The following CHST7 variants were observed in gnomAD, a reference collection of about 807,000 sequenced individuals.
CHST7 encodes N-acetylglucosamine 6-O-sulfotransferase 4.
CHST7 carries 5 observed loss-of-function variants against 9.0 expected under a neutral mutation model. The ratio of observed to expected loss-of-function variants is 0.56; its 90% CI spans 0.29 to 1.17. The LOEUF (loss-of-function observed/expected upper bound fraction) is 1.17. Ranked by LOEUF, CHST7 falls within the 50% of genes most tolerant of loss-of-function variation. CHST7 has a pLI of 0.08. For synonymous variants in CHST7, 244 were observed against 237.1 expected (o/e 1.03, Z -0.27); for missense variants, 377 against 485.1 (o/e 0.78, Z 2.09).
In CHST7 at chrX:46,597,866, C is replaced by T. The variant is rs753936859; in HGVS notation, c.*138C>T. ...TCAGAGTCTGGGACTTGACTTGCTACCAACAACTGCTGTGCAATTCTGCTG... is the reference window on the plus strand; with the variant it reads ...TCAGAGTCTGGGACTTGACTTGCTATCAACAACTGCTGTGCAATTCTGCTG... On this transcript the variant is annotated 3_prime_UTR_variant, in exon 2 of 2. Transcript: ENST00000276055. 8.8e-6 allele frequency: 1 copy of T among 113,154 alleles called. No homozygotes were observed. The highest frequency in any genetic ancestry group is 2.8e-4 in the East Asian group (1 of 3,600). 9.3% of individuals were successfully genotyped at this position (113,154 alleles called of 1,213,427 possible). A position where few individuals can be genotyped will look rare whatever the true frequency, so the allele number is the denominator to read the frequency against.
intron 1 of CHST7, among the ~76,000 whole-genome samples, chrX:46,596,476 C>G (rs1191881269): frequency 9.1e-6 from 1 of 110,464 alleles, no homozygotes; most frequent in Non-Finnish European, 1.9e-5. Flanking sequence ...ATCTATCTGC[C>G]TTGCAGCTGC....
At chrX:46,595,348 C>G (rs1297654928) in intron 1 of CHST7, among the ~76,000 whole-genome samples, 5 of 112,285 alleles carry the variant, frequency 4.5e-5, no homozygotes, top group African/African-American at 1.6e-4. Flanking sequence ...TTATGAATCT[C>G]CAAATCTTAT....
At chrX:46,581,235 C>CAAAA (rs1165772615) in intron 1 of CHST7, among the ~76,000 whole-genome samples, 1 of 66,960 alleles carries the variant, frequency 1.5e-5, no homozygotes, top group Non-Finnish European at 3.0e-5. Context: ...ACTCTGTCTC[C>CAAAA]AAAAAAAAAA....
At position 46,574,636 on chromosome X, in the gene CHST7, C is replaced by T; in HGVS notation, c.705C>T (p.Arg235=). The T allele has an allele frequency of 8.3e-7, 1 of 1,207,976 alleles. No individual in the cohort carries two copies. Among genetic ancestry groups the T allele is most frequent in the African/African-American group, 1.7e-5 (1 of 57,921 alleles). ...GCAGCTGCCCACCCGTGGCGATACG[C>T]GCCCTGGAGGCCGAGTGCCGAAAGT... is the stretch of plus-strand genomic sequence containing the variant. ...CERSCPPVAI[R]ALEAECRKYP... is the part of the protein sequence containing the mutation. Residue 235 remains arginine, a synonymous_variant, in exon 1 of 2, where the codon CGC becomes CGT. Coordinates refer to ENST00000276055, the MANE Select transcript of CHST7 (RefSeq NM_019886.4).
chrX:46,589,233 G>A (rs967933906), intron 1 of CHST7, among the ~76,000 whole-genome samples: 25 of 111,396 alleles, frequency 2.2e-4, no homozygotes, highest in Non-Finnish European at 3.6e-4. Context: ...ATAATATTAA[G>A]AAGAGTTGGG....
intron 1 of CHST7, among the ~76,000 whole-genome samples, chrX:46,575,794 AG>A (rs1942496770): frequency 8.9e-6 from 1 of 111,805 alleles, no homozygotes; most frequent in East Asian, 2.8e-4. Context: ...TGTGGAGTAT[AG>A]GATTTCGGAA....
In CHST7 at chrX:46,598,067, A is replaced by C. The variant is rs1397640619; in HGVS notation, c.*339A>C. ...TTTCAACAAGGCATCCTCACAACAA[A>C]GAAGAGATGTGATTTGGTACCATTT... On this transcript the variant is annotated 3_prime_UTR_variant, in exon 2 of 2. Coordinates refer to ENST00000276055, the MANE Select transcript of CHST7 (RefSeq NM_019886.4). 8.9e-6 allele frequency: 1 copy of C among 112,634 alleles called. No individual in the cohort carries two copies. Among genetic ancestry groups the C allele is most frequent in the Non-Finnish European group, 1.9e-5 (1 of 53,313 alleles). The allele number at this position is 112,634 out of a possible 1,213,427, so 9.3% of individuals were successfully genotyped here.
chrX:46,575,290 C>T lies in CHST7; in HGVS notation c.1359C>T (p.Ala453=). ...AGGTGGAGGCCGCCTGCGCTCCAGC[C>T]ATGCGTCTGCTCGCCTACCCTCGCA... The part of the protein sequence containing the change: ...VRQVEAACAP[A]MRLLAYPRSG... The change falls in exon 1 of 2, where the codon GCC becomes GCT. Residue 453 remains alanine, a synonymous_variant. Transcript: ENST00000276055. 9.0e-7 allele frequency: 1 copy of T among 1,109,758 alleles called. No homozygotes were observed. The highest frequency in any genetic ancestry group is 1.2e-6 in the Non-Finnish European group (1 of 849,550). 91.5% of individuals were successfully genotyped at this position (1,109,758 alleles called of 1,213,427 possible).
intron 1 of CHST7, among the ~76,000 whole-genome samples, chrX:46,582,066 C>T: frequency 8.9e-6 from 1 of 111,983 alleles, no homozygotes; most frequent in East Asian, 2.8e-4. Context: ...TATTGTTCTG[C>T]ACTTTTTTCA....
intron 1 of CHST7, among the ~76,000 whole-genome samples, chrX:46,589,632 T>G (rs1283253915): frequency 9.0e-6 from 1 of 111,179 alleles, no homozygotes; most frequent in Non-Finnish European, 1.9e-5. Flanking sequence ...AACATCACAG[T>G]AAGAATTCAT....
Position 46,573,805 on chromosome X carries a change from C to A in CHST7, c.-127C>A. ...TTCCAAGTTTCCCCTTGTGGATGCG[C>A]GGCCCCGCGGCTCTGCTCCTCCCGG... On this transcript the variant is annotated 5_prime_UTR_variant, in exon 1 of 2. Coordinates refer to ENST00000276055, the MANE Select transcript of CHST7 (RefSeq NM_019886.4). 1 of 1,000,616 alleles carries A rather than the reference C, an allele frequency of 1.0e-6. No individual in the cohort carries two copies. The highest frequency in any genetic ancestry group is 1.3e-6 in the Non-Finnish European group (1 of 766,684). 82.5% of individuals were successfully genotyped at this position (1,000,616 alleles called of 1,213,427 possible).
Position 46,575,169 on chromosome X carries a change from C to T in CHST7, c.1238C>T (p.Ala413Val). Residue 413 changes from alanine to valine, a missense_variant, in exon 1 of 2, where the codon GCC becomes GTC. Ala to Val is a moderately conservative substitution (Grantham distance 64). Transcript: ENST00000276055. Reference sequence around the variant, plus strand: ...GCGCTCAACATGACTCGCGGCGCGGCCTACGGCGCCGACCGGCCCTTCCAC... The same window carrying T: ...GCGCTCAACATGACTCGCGGCGCGGTCTACGGCGCCGACCGGCCCTTCCAC... ...AFALNMTRGA[A>V]YGADRPFHLS... 4 of 1,096,912 alleles carry T rather than the reference C, an allele frequency of 3.6e-6. No homozygotes were observed. Among genetic ancestry groups the T allele is most frequent in the Non-Finnish European group, 4.7e-6 (4 of 848,424 alleles). The allele number at this position is 1,096,912 out of a possible 1,213,427, so 90.4% of individuals were successfully genotyped here.
chrX:46,584,895 A>T (rs1260958179), intron 1 of CHST7, among the ~76,000 whole-genome samples: 1 of 111,746 alleles, frequency 8.9e-6, no homozygotes, highest in Non-Finnish European at 1.9e-5. Flanking sequence ...CATTACATCC[A>T]GACAGATAAG....
intron 1 of CHST7, among the ~76,000 whole-genome samples, chrX:46,576,730 A>G (rs1652809103): frequency 8.9e-6 from 1 of 112,207 alleles, no homozygotes; most frequent in African/African-American, 3.2e-5. Flanking sequence ...TTATAGTGTA[A>G]TTCAGCATTC....
At chrX:46,581,235 CA>C (rs1165772615) in intron 1 of CHST7, among the ~76,000 whole-genome samples, 696 of 66,921 alleles carry the variant, frequency 0.01, 11 homozygotes, top group East Asian at 0.06. Context: ...ACTCTGTCTC[CA>C]AAAAAAAAAA....
At chrX:46,585,040 A>G (rs1942541962) in intron 1 of CHST7, among the ~76,000 whole-genome samples, 1 of 111,596 alleles carries the variant, frequency 9.0e-6, no homozygotes, top group Non-Finnish European at 1.9e-5. Flanking sequence ...TAAAATCAAC[A>G]TAATATTTTA....
Position 46,574,784 on chromosome X carries a change from A to T in CHST7, c.853A>T (p.Asn285Tyr). ...TTTCCGCGACCCGAGGGCGGTGCAC[A>T]ACTCGCGCCTCAAGTCTAGGCAGGG... ...QLFRDPRAVH[N>Y]SRLKSRQGLL... The change falls in exon 1 of 2, where the codon AAC (asparagine) becomes TAC (tyrosine). Residue 285 changes from asparagine (N) to tyrosine (Y), a missense_variant. Physicochemically the swap from Asn to Tyr is moderately radical, Grantham distance 143. This residue lies in a region of CHST7 where 239 missense variants were observed against 325.7 expected (regional missense o/e 0.73). Transcript: ENST00000276055. The T allele has an allele frequency of 8.3e-7, 1 of 1,203,604 alleles. No individual in the cohort carries two copies. The highest frequency in any genetic ancestry group is 1.1e-6 in the Non-Finnish European group (1 of 891,448).
At chrX:46,583,127 A>C (rs759750744) in intron 1 of CHST7, among the ~76,000 whole-genome samples, 2 of 111,689 alleles carry the variant, frequency 1.8e-5, no homozygotes, top group South Asian at 7.5e-4. Context: ...AACAAAAAAA[A>C]CTAAACTGGC....
At chrX:46,595,016 C>G (rs1404286391) in intron 1 of CHST7, among the ~76,000 whole-genome samples, 3 of 112,059 alleles carry the variant, frequency 2.7e-5, no homozygotes, top group African/African-American at 9.7e-5. Context: ...ACTCTATCAT[C>G]TCTATTCTGC....
Sources: gnomAD v4.1 joint callset for allele counts (sites outside exome capture counted in the v4.1 genomes callset) on GRCh38, gnomAD v4.1.1 for gene constraint, gnomAD v4.1.1 regional missense constraint, MANE v1.5 for transcripts, NCBI Gene and HGNC (gene_info 2026-07-23, HGNC 2026-07-21) for gene names.